The following SPIDR variants were observed in gnomAD, a reference collection of about 807,000 sequenced individuals.
The protein encoded by SPIDR is scaffold protein involved in DNA repair, also known as DNA repair-scaffolding protein.
In SPIDR, 93 loss-of-function variants were observed where a neutral mutation model predicts 104.6. That is an observed-to-expected ratio of 0.89 (90% CI 0.75 to 1.06). SPIDR has a LOEUF of 1.06. Among genes scored for constraint, SPIDR ranks in the 50% least tolerant of loss-of-function variants. SPIDR has a pLI of 0.00. For synonymous variants in SPIDR, 431 were observed against 416.9 expected (o/e 1.03, Z -0.41); for missense variants, 1,154 against 1,111.2 (o/e 1.04, Z -0.55).
At chr8:47,462,606 C>A (rs2074128125) in intron 8 of SPIDR, among the ~76,000 whole-genome samples, 1 of 152,002 alleles carries the variant, frequency 6.6e-6, no homozygotes, top group South Asian at 2.1e-4. Flanking sequence ...GATGTAAGTA[C>A]ATATATTGAA....
chr8:47,673,681 A>T, intron 10 of SPIDR, 120 bp from the exon 11 acceptor site: 1 of 1,336,292 alleles, frequency 7.5e-7, no homozygotes. Flanking sequence ...TACTTTCTTT[A>T]AATTATATTG....
intron 7 of SPIDR, among the ~76,000 whole-genome samples, chr8:47,430,024 C>T (rs754555930): frequency 1.5e-4 from 23 of 152,090 alleles, no homozygotes; most frequent in African/African-American, 5.3e-4. Context: ...CTGTTATTCC[C>T]ATGTGAAAGT....
chr8:47,400,431 T>G (rs1006162520), intron 6 of SPIDR, among the ~76,000 whole-genome samples: 1 of 152,218 alleles, frequency 6.6e-6, no homozygotes, highest in South Asian at 2.1e-4. Context: ...GTCTCAGGTC[T>G]TCAAACTGGA....
chr8:47,561,710 T>G (rs556029379), intron 8 of SPIDR, among the ~76,000 whole-genome samples: 2 of 152,294 alleles, frequency 1.3e-5, no homozygotes, highest in African/African-American at 4.8e-5. Context: ...TTTCTCACCC[T>G]CTTCCCTGGG....
At chr8:47,388,101 C>G (rs542580031) in intron 5 of SPIDR, among the ~76,000 whole-genome samples, 83 of 152,252 alleles carry the variant, frequency 5.5e-4, no homozygotes, top group Non-Finnish European at 1.0e-3. Context: ...ATTTTCTAAT[C>G]CTCTGAGACC....
At chr8:47,485,484 C>G (rs1455676970) in intron 8 of SPIDR, among the ~76,000 whole-genome samples, 14 of 152,246 alleles carry the variant, frequency 9.2e-5, no homozygotes, top group Non-Finnish European at 8.8e-5. Flanking sequence ...ATGTCCCTGT[C>G]TGACAGCTTC....
At chr8:47,575,646 CAAAA>C (rs1173651690) in intron 8 of SPIDR, among the ~76,000 whole-genome samples, 4 of 45,156 alleles carry the variant, frequency 8.9e-5, no homozygotes, top group South Asian at 6.6e-4. Flanking sequence ...GACTCCGTCT[CAAAA>C]AAAAAAAAAA....
At chr8:47,264,304 C>T (rs1276077583) in intron 1 of SPIDR, among the ~76,000 whole-genome samples, 1 of 152,170 alleles carries the variant, frequency 6.6e-6, no homozygotes, top group Non-Finnish European at 1.5e-5. Context: ...CATGGTGATT[C>T]AGAAAGTCGA....
chr8:47,381,681 T>A (rs1437417730), intron 5 of SPIDR, among the ~76,000 whole-genome samples: 4 of 152,176 alleles, frequency 2.6e-5, no homozygotes, highest in African/African-American at 9.7e-5. Flanking sequence ...AAACCAGCGA[T>A]TGGCAGGAAG....
chr8:47,280,394 ATTT>A (rs11435263), intron 2 of SPIDR, among the ~76,000 whole-genome samples: 1 of 138,744 alleles, frequency 7.2e-6, no homozygotes, highest in Non-Finnish European at 1.6e-5. Context: ...TGCCTGGCTA[ATTT>A]TTTTTTTTTT....
At position 47,467,561 on chromosome 8, in the gene SPIDR, G is replaced by A. The variant is rs140093741; in HGVS notation, c.1097+27019G>A. On this transcript the variant is annotated intron_variant, in intron 8 of 19. Transcript: ENST00000297423. ...GGGATGCAAGATTGGTTCAACATAT[G>A]CAAATCAATAAATGTGATCCATTAC... Among the ~76,000 whole-genome samples the A allele has an allele frequency of 5.5e-4, 84 of 152,198 alleles. 1 individual carries two copies. The highest frequency in any genetic ancestry group is 1.9e-3 in the African/African-American group (78 of 41,528).
intron 5 of SPIDR, among the ~76,000 whole-genome samples, chr8:47,322,117 C>T (rs1199936188): frequency 1.3e-5 from 2 of 152,126 alleles, no homozygotes; most frequent in Non-Finnish European, 2.9e-5. Context: ...AACGAAAGAG[C>T]TTCTGCACAG....
intron 5 of SPIDR, among the ~76,000 whole-genome samples, chr8:47,307,567 C>G (rs1376377068): frequency 2.7e-5 from 3 of 112,362 alleles, no homozygotes; most frequent in Non-Finnish European, 5.1e-5. Context: ...GAGACAGAGT[C>G]TCACTCTGTC....
At chr8:47,620,028 A>T (rs1259708930) in intron 10 of SPIDR, among the ~76,000 whole-genome samples, 5 of 152,226 alleles carry the variant, frequency 3.3e-5, no homozygotes, top group Non-Finnish European at 2.9e-5. Context: ...TTTCAGGAAG[A>T]TAGAGAGGAT....
intron 8 of SPIDR, among the ~76,000 whole-genome samples, chr8:47,553,389 C>T (rs1467551571): frequency 6.6e-6 from 1 of 152,294 alleles, no homozygotes; most frequent in East Asian, 1.9e-4. Context: ...ACCAATCAGA[C>T]ATAGATTTGG....
intron 8 of SPIDR, among the ~76,000 whole-genome samples, chr8:47,455,158 C>T (rs2072708490): frequency 6.6e-6 from 1 of 151,948 alleles, no homozygotes; most frequent in South Asian, 2.1e-4. Flanking sequence ...TGGGCAAGTG[C>T]ATTTAATAAT....
rs113142868 is a variant in SPIDR at position 47,497,955 on chromosome 8, A to T, written c.1097+57413A>T. Among the ~76,000 whole-genome samples, 833 of 152,314 alleles carry T rather than the reference A, an allele frequency of 5.5e-3. 3 individuals are homozygous for T. The highest frequency in any genetic ancestry group is 9.3e-3 in the Non-Finnish European group (634 of 68,014). ...AAAGGGAATTGTGGCAGTTACATAC[A>T]GTGCTTCGTTGCTGAAAGAAGGCAT... On this transcript the variant is annotated intron_variant, in intron 8 of 19. Transcript: ENST00000297423.
chr8:47,507,166 C>G (rs1329903499), intron 8 of SPIDR, among the ~76,000 whole-genome samples: 1 of 152,228 alleles, frequency 6.6e-6, no homozygotes, highest in Non-Finnish European at 1.5e-5. Flanking sequence ...CTGCCAGCTC[C>G]TCAGTCTTCT....
intron 5 of SPIDR, among the ~76,000 whole-genome samples, chr8:47,322,855 G>A (rs550199103): frequency 8.5e-5 from 13 of 152,084 alleles, no homozygotes; most frequent in East Asian, 1.9e-4. Flanking sequence ...ACCAAACAGC[G>A]CATGTTCTCA....
Sources: allele counts gnomAD v4.1 joint callset (sites outside exome capture counted in the v4.1 genomes callset), GRCh38; gene constraint gnomAD v4.1.1; transcripts MANE v1.5; gene names NCBI Gene and HGNC (gene_info 2026-07-23, HGNC 2026-07-21).